The following SGCZ variants were observed in gnomAD, a reference collection of about 807,000 sequenced individuals.
SGCZ encodes zeta-sarcoglycan.
A neutral mutation model predicts 41.3 loss-of-function variants in SGCZ; 40 were observed. The observed-to-expected ratio is 0.97, with a 90% confidence interval of 0.75 to 1.26. The LOEUF is 1.26. SGCZ is among the 50% of genes most tolerant of loss of function. SGCZ has a pLI of 0.00. For missense variants in SGCZ, 552 were observed against 369.8 expected (o/e 1.49, Z -4.04); for synonymous variants, 206 against 137.5 (o/e 1.50, Z -3.49).
chr8:14,270,189 G>A (rs879562923), intron 3 of SGCZ, among the ~76,000 whole-genome samples: 17 of 151,976 alleles, frequency 1.1e-4, no homozygotes, highest in African/African-American at 2.7e-4. Context: ...AAAATTAGCT[G>A]GTTGTGGTGA....
At chr8:14,107,978 CT>C (rs1228081363) in intron 6 of SGCZ, among the ~76,000 whole-genome samples, 184 bp downstream of exon 6, 1 of 152,022 alleles carries the variant, frequency 6.6e-6, no homozygotes, top group Non-Finnish European at 1.5e-5. Flanking sequence ...TTCTCACTTA[CT>C]GTATAACTGC....
At chr8:14,363,303 T>A (rs1803592726) in intron 2 of SGCZ, among the ~76,000 whole-genome samples, 3 of 152,182 alleles carry the variant, frequency 2.0e-5, no homozygotes, top group Admixed American at 1.3e-4. Flanking sequence ...GTCCACAGCC[T>A]GGTAATAAGG....
At chr8:14,202,122 C>T (rs1805474187) in intron 4 of SGCZ, among the ~76,000 whole-genome samples, 1 of 152,054 alleles carries the variant, frequency 6.6e-6, no homozygotes, top group South Asian at 2.1e-4. Context: ...TGGATAATCC[C>T]AATGTCATTA....
intron 1 of SGCZ, among the ~76,000 whole-genome samples, chr8:14,570,516 C>G (rs953978545): frequency 6.6e-6 from 1 of 152,154 alleles, no homozygotes; most frequent in Non-Finnish European, 1.5e-5. Flanking sequence ...AAATGTATAA[C>G]AGCTTATCTA....
At chr8:14,113,258 T>G (rs1463221174) in intron 5 of SGCZ, among the ~76,000 whole-genome samples, 1 of 152,124 alleles carries the variant, frequency 6.6e-6, no homozygotes, top group Non-Finnish European at 1.5e-5. Context: ...TTCTTCCACT[T>G]ACGTATAAAA....
At chr8:15,018,953 G>A (rs1803145641) in intron 1 of SGCZ, among the ~76,000 whole-genome samples, 1 of 152,182 alleles carries the variant, frequency 6.6e-6, no homozygotes, top group South Asian at 2.1e-4. Flanking sequence ...AGGTGAAGAG[G>A]AAGAAGGGAT....
At chr8:14,210,380 A>G (rs7008726) in intron 4 of SGCZ, among the ~76,000 whole-genome samples, 108,681 of 151,776 alleles carry the variant, frequency 0.72, 39,850 homozygotes, top group African/African-American at 0.86. Flanking sequence ...TGTTTTAAAA[A>G]CATCATTACC....
chr8:14,784,868 C>A (rs1800704922), intron 1 of SGCZ, among the ~76,000 whole-genome samples: 1 of 118,794 alleles, frequency 8.4e-6, no homozygotes, highest in South Asian at 2.7e-4. Context: ...TGCCATTGCA[C>A]TCCAACTTGG....
chr8:15,074,609 C>G (rs1033967174), intron 1 of SGCZ, among the ~76,000 whole-genome samples: 1 of 152,062 alleles, frequency 6.6e-6, no homozygotes, highest in Non-Finnish European at 1.5e-5. Context: ...TCCTTGCTTG[C>G]TTTCTTCTCT....
chr8:15,156,418 G>C (rs550363660), intron 1 of SGCZ, among the ~76,000 whole-genome samples: 43 of 152,292 alleles, frequency 2.8e-4, no homozygotes, highest in African/African-American at 9.4e-4. Context: ...ATCGTGACAA[G>C]AAAGACTCAT....
At chr8:15,033,993 TA>T (rs1803781752) in intron 1 of SGCZ, among the ~76,000 whole-genome samples, 1 of 152,188 alleles carries the variant, frequency 6.6e-6, no homozygotes, top group East Asian at 1.9e-4. Context: ...CTTTAAAGAC[TA>T]AAATAATTTC....
intron 1 of SGCZ, among the ~76,000 whole-genome samples, chr8:14,781,097 C>T (rs1015960811): frequency 3.3e-5 from 5 of 152,144 alleles, no homozygotes; most frequent in Non-Finnish European, 7.4e-5. Context: ...AGCATTCTGA[C>T]TCAGTATTAC....
chr8:15,182,610 A>G (rs1800210528), intron 1 of SGCZ, among the ~76,000 whole-genome samples: 4 of 152,192 alleles, frequency 2.6e-5, no homozygotes, highest in African/African-American at 2.4e-5. Flanking sequence ...GACCCTTACC[A>G]TGAATGGAGC....
At chr8:14,450,824 G>A (rs2117401640) in intron 2 of SGCZ, among the ~76,000 whole-genome samples, 1 of 152,208 alleles carries the variant, frequency 6.6e-6, no homozygotes, top group Non-Finnish European at 1.5e-5. Flanking sequence ...GAATTACCTG[G>A]GCTTCAGCTC....
At chr8:14,451,683 G>A (rs570543149) in intron 2 of SGCZ, among the ~76,000 whole-genome samples, 1 of 152,138 alleles carries the variant, frequency 6.6e-6, no homozygotes, top group African/African-American at 2.4e-5. Flanking sequence ...ATGGGCAAAA[G>A]GTCTTAATAC....
chr8:15,172,082 C>T (rs1421218836), intron 1 of SGCZ, among the ~76,000 whole-genome samples: 1 of 150,678 alleles, frequency 6.6e-6, no homozygotes, highest in African/African-American at 2.5e-5. Context: ...AACAAAAGCC[C>T]GTTAAGCAAA....
chr8:14,379,205 T>C (rs75255574), intron 2 of SGCZ, among the ~76,000 whole-genome samples: 2,261 of 152,238 alleles, frequency 0.015, 68 homozygotes, highest in African/African-American at 0.05. Flanking sequence ...AAGATATTAT[T>C]ATATACCTAG....
chr8:15,188,665 T>G (rs906424272), intron 1 of SGCZ, among the ~76,000 whole-genome samples: 2 of 152,206 alleles, frequency 1.3e-5, no homozygotes, highest in Admixed American at 6.5e-5. Flanking sequence ...CAGAATTTAT[T>G]TGCATAGAAA....
At chr8:14,757,635 T>C (rs2130342367) in intron 1 of SGCZ, among the ~76,000 whole-genome samples, 1 of 152,324 alleles carries the variant, frequency 6.6e-6, no homozygotes, top group Middle Eastern at 3.4e-3. Context: ...CCGGGTAGCA[T>C]GATAGAGAAA....
Sources: gnomAD v4.1 joint callset for allele counts (sites outside exome capture counted in the v4.1 genomes callset) on GRCh38, gnomAD v4.1.1 for gene constraint, MANE v1.5 for transcripts, NCBI Gene and HGNC (gene_info 2026-07-23, HGNC 2026-07-21) for gene names.